MTSS1: variants seen among roughly 807,000 people sequenced by gnomAD.
The protein encoded by MTSS1 is protein MTSS 1.
MTSS1 carries 18 observed loss-of-function variants against 79.0 expected under a neutral mutation model. That is an observed-to-expected ratio of 0.23 (90% CI 0.16 to 0.34). The LOEUF is 0.34. MTSS1 is among the 10% of genes least tolerant of loss of function. The pLI is 1.00. For synonymous variants in MTSS1, 341 were observed against 368.6 expected (o/e 0.93, Z 0.86); for missense variants, 815 against 986.2 (o/e 0.83, Z 2.33).
At chr8:124,625,974 G>A (rs1374164253) in intron 3 of MTSS1, among the ~76,000 whole-genome samples, 4 of 151,794 alleles carry the variant, frequency 2.6e-5, no homozygotes, top group Non-Finnish European at 5.9e-5. Flanking sequence ...TTTAGTTTAA[G>A]CATAATGAAC....
intron 3 of MTSS1, among the ~76,000 whole-genome samples, chr8:124,624,386 G>A (rs1814240791): frequency 1.3e-5 from 2 of 152,186 alleles, no homozygotes; most frequent in Non-Finnish European, 2.9e-5. Context: ...AAACTGGGAG[G>A]CATGGACCAG....
In MTSS1 at chr8:124,553,584, C is replaced by T. The variant is rs1197259244; in HGVS notation, c.1676G>A (p.Arg559Gln). 8.1e-6 allele frequency: 13 copies of T among 1,614,018 alleles called. 1 individual carries two copies. Among genetic ancestry groups the T allele is most frequent in the South Asian group, 6.6e-5 (6 of 91,088 alleles). ...TGGACGCTTGGCTTGGAACATCCGT[C>T]GGTAGGACTGGCTGATGTCGCTGTT... ...PRNSDISQSY[R>Q]RMFQAKRPAS... is the part of the protein sequence containing the mutation. The change falls in exon 14 of 14, where the codon CGA becomes CAA. Residue 559 changes from arginine (R) to glutamine (Q), a missense_variant. This residue lies in a region of MTSS1 where 590 missense variants were observed against 620.8 expected (regional missense o/e 0.95). Transcript: ENST00000518547. This position sits in a 1 kb window ranked among gnomAD's most constrained non-coding sequence, Gnocchi z 6.0.
intron 1 of MTSS1, among the ~76,000 whole-genome samples, chr8:124,724,142 G>T (rs1387394078): frequency 1.3e-5 from 2 of 151,888 alleles, no homozygotes; most frequent in Non-Finnish European, 2.9e-5. Context: ...GCAGTGAGGG[G>T]TAAAAAAAAA....
chr8:124,598,387 C>T (rs1219310753), intron 3 of MTSS1, among the ~76,000 whole-genome samples: 1 of 152,174 alleles, frequency 6.6e-6, no homozygotes. Context: ...CACTAGATGC[C>T]AGTAACATCC....
intron 3 of MTSS1, among the ~76,000 whole-genome samples, chr8:124,596,396 T>G (rs1832768022): frequency 6.6e-6 from 1 of 152,162 alleles, no homozygotes; most frequent in South Asian, 2.1e-4. Context: ...ATGTAAAAAC[T>G]TTCTCCCATA....
intron 3 of MTSS1, among the ~76,000 whole-genome samples, chr8:124,635,535 A>C (rs1180326473): frequency 1.3e-5 from 2 of 152,336 alleles, no homozygotes; most frequent in Non-Finnish European, 2.9e-5. Context: ...TGTTCCTATA[A>C]GATCTCCCAT....
At chr8:124,634,968 T>C (rs2133881978) in intron 3 of MTSS1, among the ~76,000 whole-genome samples, 1 of 152,360 alleles carries the variant, frequency 6.6e-6, no homozygotes, top group South Asian at 2.1e-4. Context: ...CTAGTCTTAA[T>C]GCACTTTTTG....
At chr8:124,679,025 A>G (rs1294568643) in intron 3 of MTSS1, among the ~76,000 whole-genome samples, 3 of 152,198 alleles carry the variant, frequency 2.0e-5, no homozygotes, top group Admixed American at 2.0e-4. Context: ...TGGCATTCGA[A>G]GGCTTAAACT....
intron 2 of MTSS1, among the ~76,000 whole-genome samples, 199 bp downstream of exon 2, chr8:124,703,931 G>A (rs1013179172): frequency 2.0e-5 from 3 of 152,170 alleles, no homozygotes; most frequent in African/African-American, 7.2e-5. Context: ...AGACATGAAT[G>A]AGTCCCATTT....
chr8:124,677,687 C>G (rs561209038), intron 3 of MTSS1, among the ~76,000 whole-genome samples: 65 of 152,072 alleles, frequency 4.3e-4, no homozygotes, highest in Admixed American at 1.2e-3. Flanking sequence ...TGGTTTTTTT[C>G]TTTATTTATA....
intron 6 of MTSS1, 99 bp downstream of exon 6, chr8:124,584,988 C>T: frequency 1.0e-6 from 1 of 978,256 alleles, no homozygotes; most frequent in East Asian, 2.4e-5. Context: ...CCAGGGCCGT[C>T]ATACTTAAGG....
chr8:124,675,147 G>A (rs1048395780), intron 3 of MTSS1, among the ~76,000 whole-genome samples: 2 of 152,232 alleles, frequency 1.3e-5, no homozygotes, highest in South Asian at 4.1e-4. Context: ...ACTGCCCTCC[G>A]AGGGGCAGAA....
chr8:124,589,554 G>T, intron 5 of MTSS1, 66 bp downstream of exon 5: 1 of 1,295,442 alleles, frequency 7.7e-7, no homozygotes, highest in Non-Finnish European at 1.1e-6. Flanking sequence ...GGGCCAGGCA[G>T]CAGCTGGCAA....
At chr8:124,567,034 G>A (rs1299960632) in intron 8 of MTSS1, 37 bp downstream of exon 8, 2 of 1,507,278 alleles carry the variant, frequency 1.3e-6, no homozygotes, top group Non-Finnish European at 1.8e-6. Flanking sequence ...TTACCTCTTT[G>A]GTTTGATCCT....
Position 124,554,563 on chromosome 8 carries a change from A to G in MTSS1, c.1568-871T>C, listed in dbSNP as rs1206196194. Among the ~76,000 whole-genome samples the G allele has an allele frequency of 3.3e-5, 5 of 152,146 alleles. 1 individual carries two copies. The highest frequency in any genetic ancestry group is 3.3e-4 in the Admixed American group (5 of 15,276). On this transcript the variant is annotated intron_variant, in intron 13 of 13. Coordinates refer to ENST00000518547, the MANE Select transcript of MTSS1 (RefSeq NM_014751.6). ...ATCATAGATATATTCTAGCTGTTAG[A>G]TTTTCATCTTGCCTGACTTGTGTGT...
intron 6 of MTSS1, among the ~76,000 whole-genome samples, chr8:124,581,565 C>T (rs1002475326): frequency 1.1e-4 from 17 of 151,856 alleles, no homozygotes; most frequent in Non-Finnish European, 2.5e-4. Flanking sequence ...AAGCAATTCT[C>T]CTGCCTCAGC....
At chr8:124,644,652 G>C (rs1198127854) in intron 3 of MTSS1, among the ~76,000 whole-genome samples, 1 of 152,208 alleles carries the variant, frequency 6.6e-6, no homozygotes, top group Non-Finnish European at 1.5e-5. Flanking sequence ...CCTTGAGCAG[G>C]ACGTGGTGGG....
intron 1 of MTSS1, among the ~76,000 whole-genome samples, chr8:124,709,313 T>C (rs1830820958): frequency 6.6e-6 from 1 of 151,990 alleles, no homozygotes; most frequent in Non-Finnish European, 1.5e-5. Flanking sequence ...AGTTCATTCC[T>C]GAGGTTGCTG....
At chr8:124,718,992 G>A (rs1049558251) in intron 1 of MTSS1, among the ~76,000 whole-genome samples, 3 of 152,032 alleles carry the variant, frequency 2.0e-5, no homozygotes, top group Non-Finnish European at 4.4e-5. Flanking sequence ...GTTCTTATCT[G>A]TCTCATCCTG....
Sources: allele counts gnomAD v4.1 joint callset (sites outside exome capture counted in the v4.1 genomes callset), GRCh38; gene constraint gnomAD v4.1.1; regional missense constraint gnomAD v4.1.1; non-coding constraint Gnocchi (gnomAD v3.1); transcripts MANE v1.5; gene names NCBI Gene and HGNC (gene_info 2026-07-23, HGNC 2026-07-21).